Variants in LGALS9 observed in about 807,000 individuals in gnomAD.
LGALS9 encodes galectin 9.
LGALS9 carries 26 observed loss-of-function variants against 35.9 expected under a neutral mutation model. The ratio of observed to expected loss-of-function variants is 0.72; its 90% CI spans 0.53 to 1.01. LGALS9 has a LOEUF of 1.01. Among genes scored for constraint, LGALS9 ranks in the 50% least tolerant of loss-of-function variants. The pLI is 0.00. For synonymous variants in LGALS9, 149 were observed against 172.2 expected, an observed-to-expected ratio of 0.87 and a Z score of 1.06; for missense variants, 347 against 445.8, an observed-to-expected ratio of 0.78 and a Z score of 1.99.
intron 1 of LGALS9, among the ~76,000 whole-genome samples, chr17:27,636,206 G>C (rs1025650304): frequency 2.6e-5 from 4 of 152,210 alleles, no homozygotes; most frequent in Admixed American, 2.6e-4. Flanking sequence ...TGGCAAGTAG[G>C]CTGAATTTGG....
chr17:27,632,751 G>T (rs1440663910), intron 1 of LGALS9, among the ~76,000 whole-genome samples: 1 of 152,234 alleles, frequency 6.6e-6, no homozygotes, highest in Non-Finnish European at 1.5e-5. Context: ...TTAAAACAGG[G>T]CCTTGGAGTC....
chr17:27,644,709 C>T (rs1301903273), intron 5 of LGALS9: 1 of 155,388 alleles, frequency 6.4e-6, no homozygotes, highest in South Asian at 2.0e-4. Flanking sequence ...ACTGGTCGAG[C>T]CCCAGGGAAC....
Position 27,638,969 on chromosome 17 carries a change from G to A in LGALS9, c.131+615G>A, listed in dbSNP as rs569679423. Among the ~76,000 whole-genome samples, 16 of 152,208 alleles carry A rather than the reference G, an allele frequency of 1.1e-4. No individual in the cohort carries two copies. In the South Asian group the frequency reaches 2.5e-3, roughly 24 times the overall value. ...TGGCTGACCCCTGCCGAGGCACCCC[G>A]ACCGGGTGGCACAGAGGTGTGCAGC... On this transcript the variant is annotated intron_variant, in intron 2 of 10. Transcript: ENST00000395473.
chr17:27,643,418 C>G lies in LGALS9; in HGVS notation c.445-107C>G, dbSNP rs112726028. 16 of 1,536,464 alleles carry G rather than the reference C, an allele frequency of 1.0e-5. No homozygotes were observed. In the Admixed American group the frequency reaches 3.1e-4, roughly 30 times the overall value. On this transcript the variant is annotated intron_variant, in intron 4 of 10. Transcript: ENST00000395473. ...CAGGGCCCTAACCCCCTTGCCTCAT[C>G]GCCCTGCCTGCCTGGTCTCTCCCTC...
chr17:27,631,594 T>A (rs895691497), intron 1 of LGALS9, among the ~76,000 whole-genome samples: 14 of 151,562 alleles, frequency 9.2e-5, no homozygotes, highest in Non-Finnish European at 1.8e-4. Context: ...TAGAGCGGGG[T>A]GGTTCATGTA....
chr17:27,649,201 GC>G lies in LGALS9; in HGVS notation c.*220del. 1.5e-6 allele frequency: 1 copy of G among 680,346 alleles called. No homozygotes were observed. Among genetic ancestry groups the G allele is most frequent in the Non-Finnish European group, 2.5e-6 (1 of 401,592 alleles). The allele number at this position is 680,346 out of a possible 1,614,324, so 42.1% of individuals were successfully genotyped here. ...TTCCTCAGCCGCAGCAGCACCTGGG[GC>G]TCCAGCTGCTGGAATCCTACCATCC... On this transcript the variant is annotated 3_prime_UTR_variant, in exon 11 of 11. Transcript: ENST00000395473.
chr17:27,646,483 G>A lies in LGALS9; in HGVS notation c.628-64G>A, dbSNP rs369972684. ...AGTCCTCTCTAGAACGCGTGGGTGC[G>A]CCTGGGTGAGTGCTCGCGCACCCAT... On this transcript the variant is annotated intron_variant, in intron 7 of 10. Coordinates refer to ENST00000395473, the MANE Select transcript of LGALS9 (RefSeq NM_009587.3). 1.6e-4 allele frequency: 258 copies of A among 1,610,794 alleles called. 1 individual carries two copies. The highest frequency in any genetic ancestry group is 9.0e-4 in the Middle Eastern group (4 of 4,430).
intron 2 of LGALS9, among the ~76,000 whole-genome samples, chr17:27,639,347 C>T (rs1468491571): frequency 6.6e-6 from 1 of 151,594 alleles, no homozygotes; most frequent in East Asian, 2.0e-4. Flanking sequence ...CCCTCTCCCT[C>T]CACCTCCCCC....
intron 1 of LGALS9, among the ~76,000 whole-genome samples, chr17:27,636,551 C>G (rs967507475): frequency 6.6e-6 from 1 of 152,126 alleles, no homozygotes. Context: ...CTCACTGCAG[C>G]CTCCACCTCC....
Position 27,649,134 on chromosome 17 carries a change from A to G in LGALS9, c.*152A>G. ...TCCTTGTCTGGTCCTGCTTCTGGCT[A>G]CAGCCACCCTGGAACGGAGAAGGCA... On this transcript the variant is annotated 3_prime_UTR_variant, in exon 11 of 11. Transcript: ENST00000395473. 1 of 1,263,324 alleles carries G rather than the reference A, an allele frequency of 7.9e-7. No homozygotes were observed. The highest frequency in any genetic ancestry group is 1.1e-6 in the Non-Finnish European group (1 of 908,212). The allele number at this position is 1,263,324 out of a possible 1,614,324, so 78.3% of individuals were successfully genotyped here.
chr17:27,644,473 T>C (rs1904776427), intron 5 of LGALS9: 1 of 152,382 alleles, frequency 6.6e-6, no homozygotes, highest in African/African-American at 2.4e-5. Context: ...AGGGACTCAG[T>C]GAATGAATGT....
chr17:27,633,511 C>T lies in LGALS9; in HGVS notation c.39+2207C>T, dbSNP rs139805883. On this transcript the variant is annotated intron_variant, in intron 1 of 10. Transcript: ENST00000395473. ...AGTCTTGGCCAGCCAGGCTGAGCTC[C>T]CCACTTCGGGGTCGGGCCTGGGTGT... 3.9e-3 allele frequency among the ~76,000 whole-genome samples: 588 copies of T among 152,304 alleles called. 3 individuals carry two copies. Among genetic ancestry groups the T allele is most frequent in the South Asian group, 0.025 (120 of 4,830 alleles).
intron 1 of LGALS9, among the ~76,000 whole-genome samples, chr17:27,633,444 C>T (rs1284934908): frequency 1.3e-5 from 2 of 152,240 alleles, no homozygotes; most frequent in Non-Finnish European, 2.9e-5. Context: ...GGCAGCGGGG[C>T]ACCTTGGCTA....
At chr17:27,631,609 G>A (rs1022730820) in intron 1 of LGALS9, among the ~76,000 whole-genome samples, 2 of 152,106 alleles carry the variant, frequency 1.3e-5, no homozygotes, top group African/African-American at 2.4e-5. Context: ...CATGTAAAGA[G>A]GAAGCAAGCA....
Position 27,642,068 on chromosome 17 carries a change from T to A in LGALS9, c.334-170T>A, listed in dbSNP as rs1904549491. ...AACGAAAAGTCCAACTGGAGCCTGGTAGAGACTCGGGTTGATGCACTTTGG... is the reference window on the plus strand; with the variant it reads ...AACGAAAAGTCCAACTGGAGCCTGGAAGAGACTCGGGTTGATGCACTTTGG... On this transcript the variant is annotated intron_variant, in intron 3 of 10. Transcript: ENST00000395473. Among the ~76,000 whole-genome samples, 3 of 152,080 alleles carry A rather than the reference T, an allele frequency of 2.0e-5. No individual in the cohort carries two copies. In the South Asian group the frequency reaches 6.2e-4, roughly 32 times the overall value.
rs112362321 is a variant in LGALS9 at position 27,643,671 on chromosome 17, C to T, written c.540+51C>T. 354 of 1,543,374 alleles carry T rather than the reference C, an allele frequency of 2.3e-4. 2 individuals carry two copies. Among genetic ancestry groups the T allele is most frequent in the African/African-American group, 1.6e-3 (116 of 72,786 alleles). On this transcript the variant is annotated intron_variant, in intron 5 of 10. Transcript: ENST00000395473. ...TGGCCGAGCAGACAGTAGGAAGGAC[C>T]GAGGGTCTGAGAGGCTGGCCCCAGC...
chr17:27,640,555 G>T lies in LGALS9; in HGVS notation c.132-17G>T. 1.9e-6 allele frequency: 3 copies of T among 1,613,978 alleles called. No individual in the cohort carries two copies. The highest frequency in any genetic ancestry group is 2.5e-6 in the Non-Finnish European group (3 of 1,179,848). On this transcript the variant is annotated splice_polypyrimidine_tract_variant and intron_variant, in intron 2 of 10. Coordinates refer to ENST00000395473, the MANE Select transcript of LGALS9 (RefSeq NM_009587.3). ...TAATCCATGCCACAGAAGACTATTT[G>T]CTTTCCCTGGGCCTAGGTTTGCTGT...
intron 4 of LGALS9, 123 bp from the exon 5 acceptor site, chr17:27,643,402 A>G: frequency 4.8e-6 from 7 of 1,468,620 alleles, no homozygotes; most frequent in Non-Finnish European, 6.4e-6. Context: ...GCAGGGCCCT[A>G]ACCCCCTTGC....
intron 3 of LGALS9, among the ~76,000 whole-genome samples, chr17:27,641,506 G>A (rs1721922288): frequency 6.6e-6 from 1 of 152,104 alleles, no homozygotes; most frequent in African/African-American, 2.4e-5. Context: ...AAAATGGGGG[G>A]AAACAACACA....
Sources: gnomAD v4.1 joint callset for allele counts (sites outside exome capture counted in the v4.1 genomes callset) on GRCh38, gnomAD v4.1.1 for gene constraint, MANE v1.5 for transcripts, NCBI Gene and HGNC (gene_info 2026-07-23, HGNC 2026-07-21) for gene names.